Variants in OSBPL3 observed in about 807,000 individuals in gnomAD.
The protein encoded by OSBPL3 is oxysterol-binding protein-related protein 3.
OSBPL3 carries 65 observed loss-of-function variants against 120.1 expected under a neutral mutation model. The ratio of observed to expected loss-of-function variants is 0.54; its 90% CI spans 0.44 to 0.67. OSBPL3 has a LOEUF of 0.67. Among genes scored for constraint, OSBPL3 ranks in the 30% least tolerant of loss-of-function variants. The probability of loss-of-function intolerance (pLI) is 0.00; values close to 1 mark genes in which losing one functional copy is unlikely to be tolerated. For synonymous variants in OSBPL3, 416 were observed against 402.6 expected (o/e 1.03, Z -0.40); for missense variants, 1,004 against 1,082.1 (o/e 0.93, Z 1.01).
chr7:24,927,238 C>T (rs139761604), intron 1 of OSBPL3, among the ~76,000 whole-genome samples: 131 of 152,224 alleles, frequency 8.6e-4, no homozygotes, highest in Middle Eastern at 6.8e-3. Context: ...TTGACAAAAA[C>T]GAAGATATAT....
Position 24,863,575 on chromosome 7 carries a change from A to G in OSBPL3, c.698T>C (p.Leu233Pro). The G allele has an allele frequency of 6.2e-7, 1 of 1,613,850 alleles. No homozygotes were observed. Among genetic ancestry groups the G allele is most frequent in the Non-Finnish European group, 8.5e-7 (1 of 1,179,722 alleles). The part of the protein sequence containing the change: ...SKDLAHCHAY[L>P]VEMSQLLQSM... ...TTGCAGGAGCTGGCTCATTTCTACC[A>G]GGTAGGCATGACAGTGCGCCAGGTC... The change falls in exon 8 of 23, where the codon CTG becomes CCG. Residue 233 changes from leucine (L) to proline (P), a missense_variant. Leu to Pro is a moderately conservative substitution (Grantham distance 98). Coordinates refer to ENST00000313367, the MANE Select transcript of OSBPL3 (RefSeq NM_015550.4). The surrounding 1 kb of genome is among the most constrained non-coding windows in gnomAD (Gnocchi z 5.8).
In OSBPL3 at chr7:24,966,102, T is replaced by A. The variant is rs1816347717; in HGVS notation, c.-150+13784A>T. Among the ~76,000 whole-genome samples the A allele has an allele frequency of 6.6e-6, 1 of 152,198 alleles. No individual in the cohort carries two copies. Among genetic ancestry groups the A allele is most frequent in the African/African-American group, 2.4e-5 (1 of 41,444 alleles). Reference sequence around the variant, plus strand: ...TAAAAGGATGTGGGAGGTCCATGACTTGCTAAACCTCAGCCTGAGTTAACT... The same window carrying A: ...TAAAAGGATGTGGGAGGTCCATGACATGCTAAACCTCAGCCTGAGTTAACT... On this transcript the variant is annotated intron_variant, in intron 1 of 22. Transcript: ENST00000313367. This position sits in a 1 kb window ranked among gnomAD's most constrained non-coding sequence, Gnocchi z 4.8.
rs1449799770 is a variant in OSBPL3, at chr7:24,819,135, C to T, written c.1948+1040G>A. On this transcript the variant is annotated intron_variant, in intron 17 of 22. Coordinates refer to ENST00000313367, the MANE Select transcript of OSBPL3 (RefSeq NM_015550.4). The surrounding 1 kb of genome is among the most constrained non-coding windows in gnomAD (Gnocchi z 4.1). Reference sequence around the variant, plus strand: ...GGGCATAGTGGCGCATGCCTGTAGTCCCAGCTACTCGGGAGGCTGAGACAG... The same window carrying T: ...GGGCATAGTGGCGCATGCCTGTAGTTCCAGCTACTCGGGAGGCTGAGACAG... Among the ~76,000 whole-genome samples the T allele has an allele frequency of 2.6e-5, 4 of 151,922 alleles. No homozygotes were observed. Among genetic ancestry groups the T allele is most frequent in the African/African-American group, 9.7e-5 (4 of 41,316 alleles).
rs1489989007 is a variant in OSBPL3, at chr7:24,898,263, T to C, written c.-149-5642A>G. ...CACAACTTCAGATACCGATCGGTGATCCCGGACCTCTGAAGTGCTGTCCAT... is the reference window on the plus strand; with the variant it reads ...CACAACTTCAGATACCGATCGGTGACCCCGGACCTCTGAAGTGCTGTCCAT... On this transcript the variant is annotated intron_variant, in intron 1 of 22. Transcript: ENST00000313367. This position sits in a 1 kb window ranked among gnomAD's most constrained non-coding sequence, Gnocchi z 4.3. 1.3e-5 allele frequency among the ~76,000 whole-genome samples: 2 copies of C among 152,162 alleles called. No homozygotes were observed. The highest frequency in any genetic ancestry group is 2.9e-5 in the Non-Finnish European group (2 of 68,026).
rs114367574 is a variant in OSBPL3 at position 24,959,579 on chromosome 7, C to T, written c.-150+20307G>A. On this transcript the variant is annotated intron_variant, in intron 1 of 22. Transcript: ENST00000313367. This position sits in a 1 kb window ranked among gnomAD's most constrained non-coding sequence, Gnocchi z 4.3. ...GCGACTTCGGAAGAGCTGGTAATCACCTGTTTCTTGTTCTGGACGCTGGTT... is the reference window on the plus strand; with the variant it reads ...GCGACTTCGGAAGAGCTGGTAATCATCTGTTTCTTGTTCTGGACGCTGGTT... 1.1e-3 allele frequency among the ~76,000 whole-genome samples: 167 copies of T among 152,256 alleles called. 4 individuals are homozygous for T. The highest frequency in any genetic ancestry group is 3.2e-3 in the African/African-American group (134 of 41,546).
chr7:24,806,025 C>T lies in OSBPL3; in HGVS notation c.2444+751G>A, dbSNP rs1317248795. Among the ~76,000 whole-genome samples, 3 of 152,156 alleles carry T rather than the reference C, an allele frequency of 2.0e-5. No homozygotes were observed. The highest frequency in any genetic ancestry group is 4.1e-4 in the South Asian group (2 of 4,830). On this transcript the variant is annotated intron_variant, in intron 21 of 22. Coordinates refer to ENST00000313367, the MANE Select transcript of OSBPL3 (RefSeq NM_015550.4). This position sits in a 1 kb window ranked among gnomAD's most constrained non-coding sequence, Gnocchi z 5.2. ...AGGCTGGAGAGCAATGGCGTGGTCT[C>T]GGCTCACTGCAACCTCCTCCTCTTG...
In OSBPL3 at chr7:24,918,936, G is replaced by C. The variant is rs183985962; in HGVS notation, c.-149-26315C>G. On this transcript the variant is annotated intron_variant, in intron 1 of 22. Transcript: ENST00000313367. This position sits in a 1 kb window ranked among gnomAD's most constrained non-coding sequence, Gnocchi z 4.3. Reference sequence around the variant, plus strand: ...CTAACATTTCCCAGGTACAATGCTAGATGCTCTTACATACGTCACATTATT... The same window carrying C: ...CTAACATTTCCCAGGTACAATGCTACATGCTCTTACATACGTCACATTATT... Among the ~76,000 whole-genome samples the C allele has an allele frequency of 6.6e-6, 1 of 152,194 alleles. No homozygotes were observed. The highest frequency in any genetic ancestry group is 2.4e-5 in the African/African-American group (1 of 41,446).
Position 24,922,137 on chromosome 7 carries a change from T to C in OSBPL3, c.-149-29516A>G, listed in dbSNP as rs542279566. On this transcript the variant is annotated intron_variant, in intron 1 of 22. Transcript: ENST00000313367. This position sits in a 1 kb window ranked among gnomAD's most constrained non-coding sequence, Gnocchi z 4.3. ...ATACTGTAAAGTAACTTACATACAG[T>C]GTGACGGGGATTAACAGGATTGGCC... 2.0e-5 allele frequency among the ~76,000 whole-genome samples: 3 copies of C among 152,336 alleles called. No individual in the cohort carries two copies. In the South Asian group the frequency reaches 6.2e-4, roughly 32 times the overall value.
At position 24,806,916 on chromosome 7, in the gene OSBPL3, A is replaced by C; in HGVS notation, c.2318-14T>G. 4.4e-6 allele frequency: 7 copies of C among 1,600,902 alleles called. No homozygotes were observed. Among genetic ancestry groups the C allele is most frequent in the South Asian group, 2.3e-5 (2 of 88,850 alleles). On this transcript the variant is annotated splice_polypyrimidine_tract_variant and intron_variant, in intron 20 of 22. Transcript: ENST00000313367. The surrounding 1 kb of genome is among the most constrained non-coding windows in gnomAD (Gnocchi z 5.2). ...TCGGCATAGGATCTAAGAAGAAAAT[A>C]AATCATTCACCCCTAACTTGCATGT...
rs986495867 is a variant in OSBPL3, at chr7:24,955,931, A to T, written c.-150+23955T>A. Reference sequence around the variant, plus strand: ...GATCTTTCAGATCTTTTTCACTCAAACTAGTTCTTGGTCCTGCTGAGGAAA... The same window carrying T: ...GATCTTTCAGATCTTTTTCACTCAATCTAGTTCTTGGTCCTGCTGAGGAAA... On this transcript the variant is annotated intron_variant, in intron 1 of 22. Coordinates refer to ENST00000313367, the MANE Select transcript of OSBPL3 (RefSeq NM_015550.4). This position sits in a 1 kb window ranked among gnomAD's most constrained non-coding sequence, Gnocchi z 4.3. 6.6e-6 allele frequency among the ~76,000 whole-genome samples: 1 copy of T among 152,194 alleles called. No individual in the cohort carries two copies. Among genetic ancestry groups the T allele is most frequent in the African/African-American group, 2.4e-5 (1 of 41,452 alleles).
In OSBPL3 at chr7:24,972,332, G is replaced by C. The variant is rs770897693; in HGVS notation, c.-150+7554C>G. On this transcript the variant is annotated intron_variant, in intron 1 of 22. Transcript: ENST00000313367. This position sits in a 1 kb window ranked among gnomAD's most constrained non-coding sequence, Gnocchi z 4.3. ...GACTCTGCTCATCTCATCCTCCTTT[G>C]AGGATTCCCCAGCCACATTCTCTTT... Among the ~76,000 whole-genome samples the C allele has an allele frequency of 7.2e-5, 11 of 152,138 alleles. No homozygotes were observed. The highest frequency in any genetic ancestry group is 1.6e-4 in the Non-Finnish European group (11 of 68,024).
At chr7:24,974,421 A>C (rs1325315161) in intron 1 of OSBPL3, among the ~76,000 whole-genome samples, 1 of 152,228 alleles carries the variant, frequency 6.6e-6, no homozygotes, top group Non-Finnish European at 1.5e-5. Context: ...GCTGACTGCA[A>C]CATAATAGGA....
intron 10 of OSBPL3, among the ~76,000 whole-genome samples, chr7:24,858,959 T>C (rs1441104476): frequency 1.3e-5 from 2 of 152,258 alleles, no homozygotes; most frequent in Admixed American, 6.5e-5. Flanking sequence ...CCCACAAAAC[T>C]TAAGATGCCC....
chr7:24,889,518 A>G (rs983696558), intron 2 of OSBPL3, among the ~76,000 whole-genome samples: 3 of 152,242 alleles, frequency 2.0e-5, no homozygotes, highest in Admixed American at 6.5e-5. Flanking sequence ...ATCACTTCCT[A>G]AAGTGTACAT....
intron 2 of OSBPL3, among the ~76,000 whole-genome samples, chr7:24,880,961 A>C (rs1283407066): frequency 6.6e-6 from 1 of 152,204 alleles, no homozygotes; most frequent in Non-Finnish European, 1.5e-5. Flanking sequence ...TTGGTGTCTG[A>C]GCACAGAAGA....
rs746071085 is a variant in OSBPL3 at position 24,810,663 on chromosome 7, T to C, written c.2173-712A>G. The stretch of plus-strand genomic sequence containing the variant: ...AATTCTTCCTGTCTGAAATTTTGGA[T>C]CCTTTGGCCAGCATTTCCCAATCCT... On this transcript the variant is annotated intron_variant, in intron 19 of 22. Coordinates refer to ENST00000313367, the MANE Select transcript of OSBPL3 (RefSeq NM_015550.4). Among the ~76,000 whole-genome samples, 8 of 152,336 alleles carry C rather than the reference T, an allele frequency of 5.3e-5. No homozygotes were observed. In the South Asian group the frequency reaches 6.2e-4, roughly 12 times the overall value.
At position 24,968,576 on chromosome 7, in the gene OSBPL3, T is replaced by G. The variant is rs1348185556; in HGVS notation, c.-150+11310A>C. ...CACGCCCAGCTAATTTTTTTATTTTTAGTACAGACAGGGTTTCACCATGTT... is the reference window on the plus strand; with the variant it reads ...CACGCCCAGCTAATTTTTTTATTTTGAGTACAGACAGGGTTTCACCATGTT... On this transcript the variant is annotated intron_variant, in intron 1 of 22. Coordinates refer to ENST00000313367, the MANE Select transcript of OSBPL3 (RefSeq NM_015550.4). This position sits in a 1 kb window ranked among gnomAD's most constrained non-coding sequence, Gnocchi z 4.6. Among the ~76,000 whole-genome samples the G allele has an allele frequency of 6.6e-6, 1 of 152,170 alleles. No individual in the cohort carries two copies. The highest frequency in any genetic ancestry group is 1.5e-5 in the Non-Finnish European group (1 of 68,030).
chr7:24,864,439 CGCT>C (rs999691270), intron 7 of OSBPL3, among the ~76,000 whole-genome samples: 14 of 152,128 alleles, frequency 9.2e-5, no homozygotes, highest in Non-Finnish European at 1.9e-4. Context: ...CCCGGGTGGA[CGCT>C]GCTGCTCCAG....
intron 1 of OSBPL3, among the ~76,000 whole-genome samples, chr7:24,915,542 A>G (rs1809424894): frequency 2.0e-5 from 3 of 151,920 alleles, no homozygotes; most frequent in African/African-American, 7.2e-5. Flanking sequence ...CTTTCTTTAA[A>G]AAAAAAAAAT....
Sources: allele counts gnomAD v4.1 joint callset (sites outside exome capture counted in the v4.1 genomes callset), GRCh38; gene constraint gnomAD v4.1.1; non-coding constraint Gnocchi (gnomAD v3.1); transcripts MANE v1.5; gene names NCBI Gene and HGNC (gene_info 2026-07-23, HGNC 2026-07-21).